Variants in MMP26 observed in about 807,000 individuals in gnomAD.
MMP26 encodes the protein matrix metallopeptidase 26.
A neutral mutation model predicts 31.0 loss-of-function variants in MMP26; 33 were observed. The observed-to-expected ratio is 1.06, with a 90% CI of 0.81 to 1.42. MMP26 has a LOEUF of 1.42. Ranked by LOEUF, MMP26 falls within the 40% of genes most tolerant of loss-of-function variation. MMP26 has a pLI of 0.00. For synonymous variants in MMP26, 122 were observed against 114.9 expected (o/e 1.06, Z -0.40); for missense variants, 347 against 316.1 (o/e 1.10, Z -0.74).
At chr11:4,983,145 T>G (rs1354564217) in intron 2 of MMP26, among the ~76,000 whole-genome samples, 1 of 152,144 alleles carries the variant, frequency 6.6e-6, no homozygotes, top group Non-Finnish European at 1.5e-5. Context: ...AAATGCAAAA[T>G]AGTTTCAGGA....
At chr11:4,775,849 T>C (rs889540348) in intron 2 of MMP26, among the ~76,000 whole-genome samples, 2 of 152,158 alleles carry the variant, frequency 1.3e-5, no homozygotes, top group Non-Finnish European at 2.9e-5. Flanking sequence ...GTTACATGCA[T>C]ATATTGTATA....
chr11:4,915,488 G>C, intron 2 of MMP26: 1 of 1,614,150 alleles, frequency 6.2e-7, no homozygotes, highest in Non-Finnish European at 8.5e-7. Context: ...TTCATGAAGT[G>C]AGCGCTCTGT....
At chr11:4,821,359 T>C (rs1303411631) in intron 2 of MMP26, 3 of 1,557,776 alleles carry the variant, frequency 1.9e-6, no homozygotes, top group Admixed American at 1.8e-5. Context: ...TTACAAGTGA[T>C]AAACTATGTA....
At chr11:4,847,135 T>C (rs1204287159) in intron 2 of MMP26, among the ~76,000 whole-genome samples, 2 of 152,178 alleles carry the variant, frequency 1.3e-5, no homozygotes, top group Admixed American at 6.6e-5. Context: ...ACACTGAAGC[T>C]CTTGCTTTTA....
intron 2 of MMP26, among the ~76,000 whole-genome samples, chr11:4,932,668 C>T (rs1436340590): frequency 6.6e-6 from 1 of 152,094 alleles, no homozygotes; most frequent in African/African-American, 2.4e-5. Flanking sequence ...CAGCTATGAT[C>T]AGATATATAA....
chr11:4,912,302 A>G (rs376315484), intron 2 of MMP26, among the ~76,000 whole-genome samples: 1 of 152,150 alleles, frequency 6.6e-6, no homozygotes, highest in African/African-American at 2.4e-5. Flanking sequence ...AAGGAAGTAG[A>G]ACTTTCTATA....
rs1244309231 is a variant in MMP26, at chr11:4,988,261, C to T, written c.50C>T (p.Ala17Val). Residue 17 changes from alanine (A) to valine (V), a missense_variant, in exon 3 of 8, where the codon GCC becomes GTC. Transcript: ENST00000380390. ...ACTATCTTCTTGCCCTGGTGTTTCG[C>T]CGTTCCAGTGCCCCCTGCTGCAGAC... ...RVTIFLPWCF[A>V]VPVPPAADHK... 3 of 1,613,928 alleles carry T rather than the reference C, an allele frequency of 1.9e-6. No homozygotes were observed. Among genetic ancestry groups the T allele is most frequent in the Non-Finnish European group, 2.5e-6 (3 of 1,180,028 alleles).
chr11:4,807,015 A>C (rs569367480), intron 2 of MMP26, among the ~76,000 whole-genome samples: 50 of 152,274 alleles, frequency 3.3e-4, no homozygotes, highest in Middle Eastern at 3.4e-3. Flanking sequence ...GTACGAGGCA[A>C]TATAAGGGGT....
rs932998200 is a variant in MMP26, at chr11:4,848,826, A to G, written c.-145+81485A>G. 10 of 1,614,086 alleles carry G rather than the reference A, an allele frequency of 6.2e-6. No individual in the cohort carries two copies. Among genetic ancestry groups the G allele is most frequent in the South Asian group, 2.2e-5 (2 of 91,088 alleles). On this transcript the variant is annotated intron_variant, in intron 2 of 7. Transcript: ENST00000380390. The stretch of plus-strand genomic sequence containing the variant: ...TCGGCAGATGGCCAGTGCCCGATCA[A>G]TGGACATGGCGAGCAAGACAGAGGA...
chr11:4,769,341 C>T, intron 2 of MMP26: 1 of 1,613,688 alleles, frequency 6.2e-7, no homozygotes, highest in Non-Finnish European at 8.5e-7. Flanking sequence ...GCCCGAATGT[C>T]TGAACATGCT....
chr11:4,820,711 T>C (rs1849484660), intron 2 of MMP26, among the ~76,000 whole-genome samples: 1 of 152,136 alleles, frequency 6.6e-6, no homozygotes, highest in Admixed American at 6.6e-5. Context: ...TCTCAACATT[T>C]AGGCAGTGCT....
intron 2 of MMP26, among the ~76,000 whole-genome samples, chr11:4,821,163 T>C (rs993617110): frequency 2.6e-5 from 4 of 152,136 alleles, no homozygotes; most frequent in Non-Finnish European, 5.9e-5. Flanking sequence ...GTAATGAGAA[T>C]TATAGGCTTA....
chr11:4,976,225 C>T (rs544262622), intron 2 of MMP26, among the ~76,000 whole-genome samples: 1 of 151,962 alleles, frequency 6.6e-6, no homozygotes, highest in Non-Finnish European at 1.5e-5. Flanking sequence ...TACAGAATGT[C>T]TTTTTAAAAT....
chr11:4,780,266 AG>A (rs1486971409), intron 2 of MMP26, among the ~76,000 whole-genome samples: 1 of 152,146 alleles, frequency 6.6e-6, no homozygotes, highest in Non-Finnish European at 1.5e-5. Context: ...ATGACCAAAA[AG>A]GTTTTTGTAA....
intron 2 of MMP26, among the ~76,000 whole-genome samples, chr11:4,797,776 T>C (rs532255461): frequency 1.4e-4 from 21 of 152,340 alleles, no homozygotes; most frequent in African/African-American, 4.3e-4. Context: ...TGGATTACAA[T>C]GTAAGCATCT....
intron 2 of MMP26, among the ~76,000 whole-genome samples, chr11:4,831,853 C>A (rs1849650592): frequency 6.6e-6 from 1 of 152,122 alleles, no homozygotes; most frequent in South Asian, 2.1e-4. Flanking sequence ...CACCTTCTTT[C>A]TAGCTAGAAA....
chr11:4,975,722 C>T (rs1477387043), intron 2 of MMP26, among the ~76,000 whole-genome samples: 7 of 152,000 alleles, frequency 4.6e-5, no homozygotes, highest in African/African-American at 1.7e-4. Flanking sequence ...ACTTCATCTC[C>T]CCTCCATGCT....
At chr11:4,853,302 T>A (rs952161764) in intron 2 of MMP26, among the ~76,000 whole-genome samples, 1 of 152,242 alleles carries the variant, frequency 6.6e-6, no homozygotes, top group East Asian at 1.9e-4. Flanking sequence ...TGGTCAACAT[T>A]TCACAAGGTA....
At chr11:4,877,989 A>G (rs372953362) in intron 2 of MMP26, 22 of 152,152 alleles carry the variant, frequency 1.4e-4, no homozygotes, top group African/African-American at 4.8e-4. Context: ...CAATTTTATC[A>G]CTTCCCCAAA....
Sources: allele counts gnomAD v4.1 joint callset (sites outside exome capture counted in the v4.1 genomes callset), GRCh38; gene constraint gnomAD v4.1.1; transcripts MANE v1.5; gene names NCBI Gene and HGNC (gene_info 2026-07-23, HGNC 2026-07-21).